Variants in ARHGAP17 observed in about 807,000 individuals in gnomAD.
ARHGAP17 encodes Rho GTPase activating protein 17, also known as rho GTPase-activating protein 17.
In ARHGAP17, 57 loss-of-function variants were observed where a neutral mutation model predicts 99.5. The observed-to-expected ratio is 0.57, with a 90% CI of 0.46 to 0.71. The LOEUF (loss-of-function observed/expected upper bound fraction) is 0.71. ARHGAP17 is among the 30% of genes least tolerant of loss of function. The pLI, the probability that ARHGAP17 is intolerant of heterozygous loss-of-function variation, is 0.00. For missense variants in ARHGAP17, 1,000 were observed against 1,122.4 expected (o/e 0.89, Z 1.56); for synonymous variants, 417 against 429.6 (o/e 0.97, Z 0.36).
rs1403946011 is a variant in ARHGAP17 at position 24,920,180 on chromosome 16, C to T, written c.2596G>A (p.Gly866Ser). ...TTGTCTATATCCAGCAGGATGCGGCCAGGCACGTCTTTGCTGGCTGAGTCT... is the reference window on the plus strand; with the variant it reads ...TTGTCTATATCCAGCAGGATGCGGCTAGGCACGTCTTTGCTGGCTGAGTCT... ...HSDSASKDVP[G>S]RILLDIDNDT... is the part of the protein sequence containing the mutation. The change falls in exon 20 of 20, where the codon GGC (glycine) becomes AGC (serine). Residue 866 changes from glycine (G) to serine (S), a missense_variant. Transcript: ENST00000289968. 6.2e-7 allele frequency: 1 copy of T among 1,614,070 alleles called. No individual in the cohort carries two copies. Among genetic ancestry groups the T allele is most frequent in the Non-Finnish European group, 8.5e-7 (1 of 1,180,048 alleles).
At position 24,935,597 on chromosome 16, in the gene ARHGAP17, T is replaced by C. The variant is rs754097604; in HGVS notation, c.1767A>G (p.Ala589=). 6.2e-7 allele frequency: 1 copy of C among 1,614,144 alleles called. No homozygotes were observed. The highest frequency in any genetic ancestry group is 8.5e-7 in the Non-Finnish European group (1 of 1,180,028). The stretch of plus-strand genomic sequence containing the variant: ...CTATCTGACTGTTGTTTCTCCCTGG[T>C]GCTGGCACAGCTGCAGATACAGGGT... ...PKDPVSAAVP[A]PGRNNSQIAS... is the part of the protein sequence containing the mutation. Residue 589 remains alanine (A), a synonymous_variant, in exon 18 of 20, where the codon GCA becomes GCG. Transcript: ENST00000289968.
At chr16:24,982,983 T>TATATACAC (rs1555467464) in intron 1 of ARHGAP17, among the ~76,000 whole-genome samples, 484 of 14,998 alleles carry the variant, frequency 0.032, 8 homozygotes, top group African/African-American at 0.09. Context: ...TATATATATA[T>TATATACAC]ATATATATAT....
At chr16:24,952,521 A>T (rs2051674887) in intron 11 of ARHGAP17, 151 bp from the exon 12 acceptor site, 1 of 560,624 alleles carries the variant, frequency 1.8e-6, no homozygotes, top group South Asian at 3.1e-5. Flanking sequence ...TAGAGACTAA[A>T]ATGTTCATAA....
At chr16:24,956,264 CAG>C (rs2051805904) in intron 9 of ARHGAP17, 1 of 152,238 alleles carries the variant, frequency 6.6e-6, no homozygotes, top group South Asian at 2.1e-4. Context: ...AAACACTGGA[CAG>C]AGTGTACCCC....
Position 24,930,794 on chromosome 16 carries a change from C to G in ARHGAP17, c.2505G>C (p.Lys835Asn). Residue 835 changes from lysine to asparagine, a missense_variant, in exon 19 of 20, where the codon AAG (lysine) becomes AAC (asparagine). This residue lies in a region of ARHGAP17 where 528 missense variants were observed against 511.4 expected (regional missense o/e 1.03). Transcript: ENST00000289968. The stretch of plus-strand genomic sequence containing the variant: ...TGATGTCCTACTTACCTGTTACTAT[C>G]TTGGAAGCTGTTGGTGCTGTGTTGG... Reference protein sequence around the residue: ...SLTNTAPTASKIVTDSNSRVS... With the variant: ...SLTNTAPTASNIVTDSNSRVS... The G allele has an allele frequency of 6.2e-7, 1 of 1,614,170 alleles. No individual in the cohort carries two copies. Among genetic ancestry groups the G allele is most frequent in the Non-Finnish European group, 8.5e-7 (1 of 1,180,032 alleles).
intron 1 of ARHGAP17, among the ~76,000 whole-genome samples, chr16:24,985,507 G>A (rs1482464613): frequency 6.6e-6 from 1 of 151,992 alleles, no homozygotes; most frequent in Admixed American, 6.5e-5. Context: ...GTTCACTCTG[G>A]GCCTCTCTGC....
At chr16:24,988,122 T>G (rs777417780) in intron 1 of ARHGAP17, among the ~76,000 whole-genome samples, 1 of 152,228 alleles carries the variant, frequency 6.6e-6, no homozygotes, top group Non-Finnish European at 1.5e-5. Flanking sequence ...TTTGATTTCA[T>G]AGTGAGCTGG....
At chr16:25,003,230 CTTTTTTTTTTT>C (rs564573463) in intron 1 of ARHGAP17, among the ~76,000 whole-genome samples, 3 of 90,698 alleles carry the variant, frequency 3.3e-5, no homozygotes, top group African/African-American at 7.0e-5. Context: ...AGCTTTAAAG[CTTTTTTTTTTT>C]TTTTTTTTTT....
At position 24,943,758 on chromosome 16, in the gene ARHGAP17, A is replaced by C; in HGVS notation, c.1333+13T>G. The C allele has an allele frequency of 2.5e-6, 4 of 1,611,456 alleles. No individual in the cohort carries two copies. Among genetic ancestry groups the C allele is most frequent in the Non-Finnish European group, 2.5e-6 (3 of 1,177,586 alleles). ...ATTGCTTTGGCGGTCAATGAAACTGAAGTGAGAATTACCTTCAGGGAAGAA... is the reference window on the plus strand; with the variant it reads ...ATTGCTTTGGCGGTCAATGAAACTGCAGTGAGAATTACCTTCAGGGAAGAA... On this transcript the variant is annotated intron_variant, in intron 15 of 19. Coordinates refer to ENST00000289968, the MANE Select transcript of ARHGAP17 (RefSeq NM_001006634.3).
intron 7 of ARHGAP17, among the ~76,000 whole-genome samples, chr16:24,963,647 T>C (rs558194611): frequency 9.2e-5 from 14 of 152,258 alleles, no homozygotes; most frequent in Admixed American, 3.9e-4. Flanking sequence ...ATGAGATCAC[T>C]TGACCATCTA....
intron 1 of ARHGAP17, among the ~76,000 whole-genome samples, chr16:24,997,063 A>G (rs2053213760): frequency 6.6e-6 from 1 of 152,240 alleles, no homozygotes; most frequent in South Asian, 2.1e-4. Context: ...AAACAAGTCA[A>G]TACACAACTT....
chr16:24,932,528 C>G (rs933760793), intron 18 of ARHGAP17, among the ~76,000 whole-genome samples: 10 of 151,960 alleles, frequency 6.6e-5, no homozygotes, highest in Non-Finnish European at 1.5e-4. Flanking sequence ...ATAACATGAC[C>G]CCTGATCCCA....
At chr16:24,999,501 C>T (rs918555524) in intron 1 of ARHGAP17, among the ~76,000 whole-genome samples, 5 of 151,994 alleles carry the variant, frequency 3.3e-5, no homozygotes, top group African/African-American at 9.7e-5. Flanking sequence ...ACTGCAGCTC[C>T]GGCTCCTGGG....
chr16:24,939,832 G>A (rs565095916), intron 16 of ARHGAP17: 15 of 567,452 alleles, frequency 2.6e-5, no homozygotes, highest in South Asian at 1.8e-4. Flanking sequence ...ATTTGGGTGT[G>A]AGCAGCTAAA....
At chr16:24,947,618 A>G in intron 13 of ARHGAP17, 23 bp from the exon 14 acceptor site, 1 of 1,584,234 alleles carries the variant, frequency 6.3e-7, no homozygotes, top group Non-Finnish European at 8.6e-7. Flanking sequence ...AGAGAAGGGG[A>G]GGGTTTCTCC....
chr16:25,006,732 C>T (rs1384083310), intron 1 of ARHGAP17, among the ~76,000 whole-genome samples: 1 of 152,142 alleles, frequency 6.6e-6, no homozygotes, highest in Non-Finnish European at 1.5e-5. Flanking sequence ...AAGCGGTGGG[C>T]TGGATTTACC....
intron 1 of ARHGAP17, among the ~76,000 whole-genome samples, chr16:24,993,574 G>C (rs1017242146): frequency 4.1e-5 from 6 of 146,332 alleles, no homozygotes; most frequent in Non-Finnish European, 7.5e-5. Flanking sequence ...GGGCAATAGA[G>C]TGAGACTCTG....
chr16:24,988,308 G>C (rs2052935621), intron 1 of ARHGAP17, among the ~76,000 whole-genome samples: 1 of 152,174 alleles, frequency 6.6e-6, no homozygotes, highest in African/African-American at 2.4e-5. Context: ...AGCCGTAAGA[G>C]AGTTTACAGA....
At chr16:24,959,594 G>A in intron 9 of ARHGAP17, 77 bp downstream of exon 9, 1 of 1,385,418 alleles carries the variant, frequency 7.2e-7, no homozygotes, top group Non-Finnish European at 1.0e-6. Context: ...GCATGCAGAG[G>A]AGTCAGGGTG....
Sources: allele counts gnomAD v4.1 joint callset (sites outside exome capture counted in the v4.1 genomes callset), GRCh38; gene constraint gnomAD v4.1.1; regional missense constraint gnomAD v4.1.1; transcripts MANE v1.5; gene names NCBI Gene and HGNC (gene_info 2026-07-23, HGNC 2026-07-21).